CSGALNACT1: variants seen among roughly 807,000 people sequenced by gnomAD.
CSGALNACT1 encodes beta4GalNAcT-1.
A neutral mutation model predicts 51.0 loss-of-function variants in CSGALNACT1; 52 were observed. The ratio of observed to expected loss-of-function variants is 1.02; its 90% CI spans 0.82 to 1.29. The LOEUF (loss-of-function observed/expected upper bound fraction) is 1.29. CSGALNACT1 is among the 50% of genes most tolerant of loss of function. The probability of loss-of-function intolerance (pLI) is 0.00; values close to 1 mark genes in which losing one functional copy is unlikely to be tolerated. For missense variants in CSGALNACT1, 935 were observed against 679.2 expected (o/e 1.38, Z -4.19); for synonymous variants, 341 against 254.4 (o/e 1.34, Z -3.24).
chr8:19,593,133 C>A (rs545641927), intron 2 of CSGALNACT1, among the ~76,000 whole-genome samples: 2 of 152,280 alleles, frequency 1.3e-5, no homozygotes, highest in East Asian at 3.9e-4. Flanking sequence ...AAATAGGATG[C>A]CTGCACCACA....
At chr8:19,626,086 G>A (rs1038883534) in intron 1 of CSGALNACT1, among the ~76,000 whole-genome samples, 1 of 152,034 alleles carries the variant, frequency 6.6e-6, no homozygotes, top group Non-Finnish European at 1.5e-5. Flanking sequence ...AAATTTATAT[G>A]GAAAGGAAAC....
At chr8:19,741,392 G>A (rs891071543) in intron 1 of CSGALNACT1, among the ~76,000 whole-genome samples, 3 of 151,890 alleles carry the variant, frequency 2.0e-5, no homozygotes, top group Admixed American at 6.6e-5. Flanking sequence ...GTGAAATCCC[G>A]TCTCTACTAA....
chr8:19,406,099 C>T, intron 9 of CSGALNACT1, 30 bp from the exon 9 acceptor site: 3 of 1,613,564 alleles, frequency 1.9e-6, no homozygotes, highest in Non-Finnish European at 2.5e-6. Context: ...TGTTGAATCA[C>T]ACTGCACTGA....
intron 4 of CSGALNACT1, among the ~76,000 whole-genome samples, chr8:19,463,485 G>C (rs1402049345): frequency 6.6e-6 from 1 of 152,108 alleles, no homozygotes; most frequent in Non-Finnish European, 1.5e-5. Flanking sequence ...GAAACACAAA[G>C]GAACAGAGCA....
At chr8:19,662,619 T>G (rs76845080) in intron 1 of CSGALNACT1, among the ~76,000 whole-genome samples, 1 of 152,184 alleles carries the variant, frequency 6.6e-6, no homozygotes, top group Non-Finnish European at 1.5e-5. Context: ...TCCTCTTTGC[T>G]GATAGGAAAC....
chr8:19,411,853 C>T (rs1018517578), intron 8 of CSGALNACT1, among the ~76,000 whole-genome samples: 8 of 141,830 alleles, frequency 5.6e-5, no homozygotes, highest in Middle Eastern at 3.6e-3. Context: ...TTTTTTTTGA[C>T]GGAGTCTTGC....
chr8:19,465,833 A>G (rs776767260), intron 4 of CSGALNACT1, among the ~76,000 whole-genome samples: 91 of 143,974 alleles, frequency 6.3e-4, no homozygotes, highest in Admixed American at 1.4e-3. Flanking sequence ...CTAACTGGTC[A>G]ATGAAGGCCT....
chr8:19,693,193 G>C (rs1403501639), intron 1 of CSGALNACT1, among the ~76,000 whole-genome samples: 1 of 152,096 alleles, frequency 6.6e-6, no homozygotes, highest in African/African-American at 2.4e-5. Flanking sequence ...GAGGACCAGA[G>C]GAAGCCAGAG....
chr8:19,420,685 T>C (rs2057785128), intron 6 of CSGALNACT1, among the ~76,000 whole-genome samples, 167 bp from the exon 6 acceptor site: 1 of 152,196 alleles, frequency 6.6e-6, no homozygotes, highest in African/African-American at 2.4e-5. Flanking sequence ...CACAGGATAC[T>C]CACTGGGATC....
chr8:19,428,260 G>A (rs950233415), intron 6 of CSGALNACT1, among the ~76,000 whole-genome samples: 1 of 152,088 alleles, frequency 6.6e-6, no homozygotes, highest in Non-Finnish European at 1.5e-5. Flanking sequence ...AAGACATATC[G>A]AAGACTGGGT....
intron 6 of CSGALNACT1, among the ~76,000 whole-genome samples, chr8:19,438,151 G>A (rs1293441297): frequency 6.7e-6 from 1 of 148,350 alleles, no homozygotes; most frequent in Non-Finnish European, 1.5e-5. Context: ...CTGTACTTCA[G>A]AGTCACCTGG....
chr8:19,461,597 G>C (rs78521475), intron 4 of CSGALNACT1, among the ~76,000 whole-genome samples: 1 of 61,234 alleles, frequency 1.6e-5, no homozygotes, highest in Non-Finnish European at 3.7e-5. Context: ...GGGCGTATCC[G>C]CACAGCGGCC....
At chr8:19,404,623 T>TATATATA in exon 10 of CSGALNACT1, 2 of 418,204 alleles carry the variant, frequency 4.8e-6, no homozygotes, top group Admixed American at 2.7e-5. Context: ...TATATATATA[T>TATATATA]TTTTTTCTCC....
At chr8:19,508,074 A>T (rs943283195) in intron 3 of CSGALNACT1, among the ~76,000 whole-genome samples, 1 of 152,234 alleles carries the variant, frequency 6.6e-6, no homozygotes, top group African/African-American at 2.4e-5. Flanking sequence ...CGACTCAGAA[A>T]GCCAGATTCT....
At chr8:19,481,375 T>C (rs886122719) in intron 4 of CSGALNACT1, among the ~76,000 whole-genome samples, 4 of 152,140 alleles carry the variant, frequency 2.6e-5, no homozygotes, top group African/African-American at 9.7e-5. Flanking sequence ...AGAAATTACA[T>C]CTTATTCAAA....
At position 19,532,276 on chromosome 8, in the gene CSGALNACT1, G is replaced by A. The variant is rs534896179; in HGVS notation, c.-296-26146C>T. ...CAGCAGCCATGGCTTCTTTATCCAA[G>A]CTATACCCACCCTCCTCCCAAAACA... is the stretch of plus-strand genomic sequence containing the variant. On this transcript the variant is annotated intron_variant, in intron 3 of 9. Coordinates refer to ENST00000454498, the Ensembl canonical transcript of CSGALNACT1. 9.2e-5 allele frequency among the ~76,000 whole-genome samples: 14 copies of A among 151,978 alleles called. No homozygotes were observed. In the East Asian group the frequency reaches 2.5e-3, roughly 27 times the overall value.
intron 8 of CSGALNACT1, among the ~76,000 whole-genome samples, chr8:19,408,953 C>CACACACACACACAA (rs2054980336): frequency 6.6e-6 from 1 of 151,080 alleles, no homozygotes; most frequent in Non-Finnish European, 1.5e-5. Flanking sequence ...TATGAAAACA[C>CACACACACACACAA]ACACACACAC....
intron 1 of CSGALNACT1, among the ~76,000 whole-genome samples, chr8:19,641,128 CTTTT>C (rs56681695): frequency 2.4e-4 from 24 of 99,978 alleles, no homozygotes; most frequent in South Asian, 7.5e-4. Flanking sequence ...GGTGACTGGT[CTTTT>C]TTTTTTTTTT....
At chr8:19,451,287 GT>G (rs1713134729) in intron 5 of CSGALNACT1, among the ~76,000 whole-genome samples, 1 of 152,024 alleles carries the variant, frequency 6.6e-6, no homozygotes, top group African/African-American at 2.4e-5. Flanking sequence ...GAAACCTAGT[GT>G]TTTTGACAAG....
Sources: allele counts gnomAD v4.1 joint callset (sites outside exome capture counted in the v4.1 genomes callset), GRCh38; gene constraint gnomAD v4.1.1; transcripts MANE v1.5; gene names NCBI Gene and HGNC (gene_info 2026-07-23, HGNC 2026-07-21).